The following FTO variants were observed in gnomAD, a reference collection of about 807,000 sequenced individuals.
FTO encodes the protein FTO alpha-ketoglutarate dependent dioxygenase.
A neutral mutation model predicts 63.9 loss-of-function variants in FTO; 47 were observed. The ratio of observed to expected loss-of-function variants is 0.74; its 90% CI spans 0.58 to 0.94. FTO has a LOEUF of 0.94. Ranked by LOEUF, FTO falls within the 40% of genes least tolerant of loss-of-function variation. The pLI is 0.00. For missense variants in FTO, 562 were observed against 618.1 expected (o/e 0.91, Z 0.96); for synonymous variants, 207 against 224.4 (o/e 0.92, Z 0.69).
chr16:53,926,553 A>G (rs747399038), intron 7 of FTO, among the ~76,000 whole-genome samples: 1 of 152,242 alleles, frequency 6.6e-6, no homozygotes, highest in African/African-American at 2.4e-5. Context: ...TGTAAGTGCA[A>G]TGGAGTACGA....
chr16:54,101,272 C>T (rs2144595221), intron 8 of FTO, among the ~76,000 whole-genome samples: 1 of 152,244 alleles, frequency 6.6e-6, no homozygotes, highest in South Asian at 2.1e-4. Flanking sequence ...TCTGCTCTCC[C>T]CCTCCTCGCA....
At chr16:53,728,664 G>A (rs2076204604) in intron 1 of FTO, among the ~76,000 whole-genome samples, 1 of 152,140 alleles carries the variant, frequency 6.6e-6, no homozygotes, top group South Asian at 2.1e-4. Flanking sequence ...TCACAGAAGA[G>A]CTTTCACTGT....
chr16:53,840,479 T>G (rs1032948712), intron 3 of FTO, among the ~76,000 whole-genome samples: 2 of 152,196 alleles, frequency 1.3e-5, no homozygotes, highest in African/African-American at 4.8e-5. Context: ...ATCACAAATA[T>G]CAAGACTTTC....
rs57332430 is a variant in FTO, at chr16:53,786,054, G to A, written c.46-24086G>A. On this transcript the variant is annotated intron_variant, in intron 1 of 8. Coordinates refer to ENST00000471389, the MANE Select transcript of FTO (RefSeq NM_001080432.3). ...ACTTTTTAAAGGAGGTTGCTCTGAC[G>A]GCTGTAGAGGATAGACCATAGGCAG... Among the ~76,000 whole-genome samples, 5,785 of 152,192 alleles carry A rather than the reference G, an allele frequency of 0.038. 486 individuals are homozygous for A. The East Asian group carries it at 0.4, about 11-fold the overall frequency.
intron 8 of FTO, among the ~76,000 whole-genome samples, chr16:53,965,304 G>C (rs1196023052): frequency 6.6e-6 from 1 of 152,148 alleles, no homozygotes; most frequent in African/African-American, 2.4e-5. Context: ...TTGAACTCCT[G>C]ACCTTGTGAT....
intron 8 of FTO, among the ~76,000 whole-genome samples, chr16:54,038,785 C>A (rs2144261801): frequency 6.6e-6 from 1 of 152,352 alleles, no homozygotes; most frequent in East Asian, 1.9e-4. Context: ...GTAAAAGCTT[C>A]CTGCGGCCTC....
chr16:53,785,828 T>A (rs892060900), intron 1 of FTO, among the ~76,000 whole-genome samples: 4 of 150,986 alleles, frequency 2.6e-5, no homozygotes, highest in Non-Finnish European at 5.9e-5. Context: ...GAGAATTGCT[T>A]GAACCCGGGA....
At chr16:53,805,575 A>G (rs1387226145) in intron 1 of FTO, among the ~76,000 whole-genome samples, 1 of 151,120 alleles carries the variant, frequency 6.6e-6, no homozygotes, top group East Asian at 1.9e-4. Context: ...CAGCCTCCTG[A>G]GTTGCTGGGA....
At chr16:54,100,137 G>A (rs2086605690) in intron 8 of FTO, among the ~76,000 whole-genome samples, 1 of 152,112 alleles carries the variant, frequency 6.6e-6, no homozygotes, top group Admixed American at 6.6e-5. Context: ...TCTAACAAGG[G>A]CCCAAATGAT....
intron 3 of FTO, among the ~76,000 whole-genome samples, chr16:53,833,847 T>A (rs1398126937): frequency 6.6e-6 from 1 of 152,254 alleles, no homozygotes; most frequent in African/African-American, 2.4e-5. Flanking sequence ...GAACATCTTT[T>A]CATGTTCTTA....
chr16:54,003,592 G>A lies in FTO; in HGVS notation c.1364+69483G>A, dbSNP rs117363144. 8.7e-3 allele frequency among the ~76,000 whole-genome samples: 1,322 copies of A among 152,216 alleles called. 8 individuals carry two copies. The highest frequency in any genetic ancestry group is 0.014 in the Non-Finnish European group (936 of 67,994). On this transcript the variant is annotated intron_variant, in intron 8 of 8. Transcript: ENST00000471389. ...GCCAGTCTCAAACTTCTGGCCTCAA[G>A]TGATCCTCCAGCCTCAGCCTCCAAA...
chr16:53,954,798 A>T (rs2082888360), intron 8 of FTO, among the ~76,000 whole-genome samples: 1 of 151,962 alleles, frequency 6.6e-6, no homozygotes, highest in African/African-American at 2.4e-5. Context: ...TCACGTCGTT[A>T]GTGGGCCAAA....
At chr16:53,787,176 A>G (rs891057436) in intron 1 of FTO, among the ~76,000 whole-genome samples, 3 of 150,298 alleles carry the variant, frequency 2.0e-5, no homozygotes, top group Admixed American at 6.7e-5. Flanking sequence ...AAGAGAGCGC[A>G]TACACCTTCA....
chr16:54,096,132 A>G (rs2086512182), intron 8 of FTO, among the ~76,000 whole-genome samples: 1 of 152,238 alleles, frequency 6.6e-6, no homozygotes, highest in Non-Finnish European at 1.5e-5. Context: ...CTAAAAGCAC[A>G]AAAGTCACAG....
chr16:53,980,907 A>C (rs116907816), intron 8 of FTO, among the ~76,000 whole-genome samples: 1,585 of 152,330 alleles, frequency 0.01, 20 homozygotes, highest in Non-Finnish European at 0.013. Context: ...AGAATTGCAA[A>C]ATTCTAAATT....
At chr16:54,073,618 C>CTT (rs113673279) in intron 8 of FTO, among the ~76,000 whole-genome samples, 11 of 144,596 alleles carry the variant, frequency 7.6e-5, no homozygotes, top group African/African-American at 2.8e-4. Context: ...TCTCTCTCCC[C>CTT]TTTTTTTTTT....
intron 8 of FTO, among the ~76,000 whole-genome samples, chr16:54,017,846 G>T (rs2084489509): frequency 1.3e-5 from 2 of 151,920 alleles, no homozygotes; most frequent in Non-Finnish European, 2.9e-5. Context: ...TTTTCAATCA[G>T]CCTCGCCCGC....
At chr16:53,792,939 G>A (rs904819082) in intron 1 of FTO, among the ~76,000 whole-genome samples, 11 of 152,060 alleles carry the variant, frequency 7.2e-5, no homozygotes, top group African/African-American at 2.7e-4. Flanking sequence ...TATTTTCTTT[G>A]GTCATCTATT....
At chr16:53,834,131 T>A (rs2079220451) in intron 3 of FTO, among the ~76,000 whole-genome samples, 1 of 152,070 alleles carries the variant, frequency 6.6e-6, no homozygotes, top group African/African-American at 2.4e-5. Flanking sequence ...TTCACGCCAT[T>A]CTCCTGTCTC....
Sources: gnomAD v4.1 joint callset for allele counts (sites outside exome capture counted in the v4.1 genomes callset) on GRCh38, gnomAD v4.1.1 for gene constraint, MANE v1.5 for transcripts, NCBI Gene and HGNC (gene_info 2026-07-23, HGNC 2026-07-21) for gene names.